The following ONECUT1 variants were observed in gnomAD, a reference collection of about 807,000 sequenced individuals.
ONECUT1 encodes one cut homeobox 1, also known as hepatocyte nuclear factor 6.
ONECUT1 carries 12 observed loss-of-function variants against 25.6 expected under a neutral mutation model. That is an observed-to-expected ratio of 0.47 (90% CI 0.30 to 0.76). The LOEUF is 0.76. Among genes scored for constraint, ONECUT1 ranks in the 30% least tolerant of loss-of-function variants. ONECUT1 has a pLI of 0.07. For synonymous variants in ONECUT1, 285 were observed against 270.2 expected (o/e 1.05, Z -0.54); for missense variants, 620 against 651.2 (o/e 0.95, Z 0.52).
chr15:52,788,117 A>T lies in ONECUT1; in HGVS notation c.1105+663T>A, dbSNP rs2083889107. On this transcript the variant is annotated intron_variant, in intron 1 of 1. Transcript: ENST00000305901. This position sits in a 1 kb window ranked among gnomAD's most constrained non-coding sequence, Gnocchi z 4.3. ...TTGCAGCTCTCACTGGGACCTTGGG[A>T]CGGTCAGCCTCCCTCTCCTTTCCAC... 1 of 152,396 alleles carries T rather than the reference A, an allele frequency of 6.6e-6. No homozygotes were observed. The highest frequency in any genetic ancestry group is 1.5e-5 in the Non-Finnish European group (1 of 68,218). 9.4% of individuals were successfully genotyped at this position (152,396 alleles called of 1,614,324 possible).
chr15:52,781,668 A>G (rs1273488817), intron 1 of ONECUT1, among the ~76,000 whole-genome samples: 1 of 152,248 alleles, frequency 6.6e-6, no homozygotes. Flanking sequence ...TACCACTTAG[A>G]CTAATGGTTC....
chr15:52,758,950 A>G (rs1022778224), intron 1 of ONECUT1, among the ~76,000 whole-genome samples: 3 of 152,006 alleles, frequency 2.0e-5, no homozygotes, highest in African/African-American at 7.3e-5. Flanking sequence ...TAACCATACA[A>G]CCCAAGTAAA....
rs919499116 is a variant in ONECUT1 at position 52,784,197 on chromosome 15, G to C, written c.1105+4583C>G. On this transcript the variant is annotated intron_variant, in intron 1 of 1. Transcript: ENST00000305901. The surrounding 1 kb of genome is among the most constrained non-coding windows in gnomAD (Gnocchi z 5.0). ...TCGAGGCTTGCAGATAAGGAGAGGC[G>C]CATCCTGGGATTTGGGTCCTCTGCT... is the stretch of plus-strand genomic sequence containing the variant. Among the ~76,000 whole-genome samples, 3 of 152,150 alleles carry C rather than the reference G, an allele frequency of 2.0e-5. No homozygotes were observed. The highest frequency in any genetic ancestry group is 4.4e-5 in the Non-Finnish European group (3 of 68,016).
chr15:52,788,797 G>C lies in ONECUT1; in HGVS notation c.1088C>G (p.Ser363Cys). The C allele has an allele frequency of 6.2e-7, 1 of 1,611,774 alleles. No homozygotes were observed. Among genetic ancestry groups the C allele is most frequent in the Non-Finnish European group, 8.5e-7 (1 of 1,178,544 alleles). ...CGGCTCACCTGCTAAGCGGAGCGCG[G>C]ACATGCGCTGGAACTCCGGCTCCTG... ...WLQEPEFQRM[S>C]ALRLAACKRK... Residue 363 changes from serine to cysteine, a missense_variant, in exon 1 of 2, where the codon TCC (serine) becomes TGC (cysteine). This residue lies in a region of ONECUT1 where 146 missense variants were observed against 201.8 expected (regional missense o/e 0.72). Transcript: ENST00000305901. This position sits in a 1 kb window ranked among gnomAD's most constrained non-coding sequence, Gnocchi z 4.3.
chr15:52,779,964 C>T (rs928271069), intron 1 of ONECUT1, among the ~76,000 whole-genome samples: 1 of 152,182 alleles, frequency 6.6e-6, no homozygotes. Context: ...GGAGTGCTTC[C>T]TAACAGGATG....
chr15:52,789,873 C>T lies in ONECUT1; in HGVS notation c.12G>A (p.Gln4=). The T allele has an allele frequency of 2.6e-6, 4 of 1,540,580 alleles. No homozygotes were observed. The highest frequency in any genetic ancestry group is 3.5e-6 in the Non-Finnish European group (4 of 1,153,790). Residue 4 remains glutamine (Q), a synonymous_variant, in exon 1 of 2, where the codon CAG becomes CAA. Transcript: ENST00000305901. This position sits in a 1 kb window ranked among gnomAD's most constrained non-coding sequence, Gnocchi z 4.1. ...GCTCGCCGATCGCTTCCATGGTCAG[C>T]TGCGCGTTCATCGTGATCCGGGCGA... MNA[Q]LTMEAIGELH... is the part of the protein sequence containing the mutation.
Position 52,771,436 on chromosome 15 carries a change from A to AGTGTGTGTGT in ONECUT1, c.1106-13599_1106-13590dup, listed in dbSNP as rs60500029. Among the ~76,000 whole-genome samples the AGTGTGTGTGT allele has an allele frequency of 2.1e-5, 3 of 144,868 alleles. No individual in the cohort carries two copies. The East Asian group carries it at 6.0e-4, about 29-fold the overall frequency. ...TCATCTCATTTTTGCATAAAAAGCAAGTGTGTGTGTGTGTGTGTGTGTGTG... is the reference window on the plus strand; with the variant it reads ...TCATCTCATTTTTGCATAAAAAGCAAGTGTGTGTGTGTGTGTGTGTGTGTGTGTGTGTGTG... On this transcript the variant is annotated intron_variant, in intron 1 of 1. Transcript: ENST00000305901.
At chr15:52,787,123 A>C (rs2083880994) in intron 1 of ONECUT1, 1 of 152,212 alleles carries the variant, frequency 6.6e-6, no homozygotes, top group Non-Finnish European at 1.5e-5. Context: ...CCGGTAGCAC[A>C]AGAGCTAGAG....
chr15:52,773,810 A>C (rs954633483), intron 1 of ONECUT1, among the ~76,000 whole-genome samples: 1 of 152,206 alleles, frequency 6.6e-6, no homozygotes, highest in Non-Finnish European at 1.5e-5. Context: ...AGTTAAGTAC[A>C]GTAATGAATT....
At chr15:52,774,122 T>TACACACACACACACAC (rs35891922) in intron 1 of ONECUT1, among the ~76,000 whole-genome samples, 3 of 137,716 alleles carry the variant, frequency 2.2e-5, no homozygotes, top group Non-Finnish European at 3.1e-5. Context: ...ATTGGAAGGA[T>TACACACACACACACAC]ACACACACAC....
intron 1 of ONECUT1, among the ~76,000 whole-genome samples, chr15:52,761,133 C>T (rs530124065): frequency 6.6e-6 from 1 of 152,176 alleles, no homozygotes; most frequent in South Asian, 2.1e-4. Context: ...ACCCTCACCC[C>T]AATCCCTTGC....
chr15:52,772,130 C>T (rs1424730807), intron 1 of ONECUT1, among the ~76,000 whole-genome samples: 1 of 151,672 alleles, frequency 6.6e-6, no homozygotes, highest in Non-Finnish European at 1.5e-5. Flanking sequence ...TGCGGTGGCT[C>T]ACGCCTGTAA....
chr15:52,775,467 A>ACACT (rs2083793969), intron 1 of ONECUT1, among the ~76,000 whole-genome samples: 1 of 151,440 alleles, frequency 6.6e-6, no homozygotes, highest in Non-Finnish European at 1.5e-5. Context: ...ACACACACAC[A>ACACT]CACACACACA....
chr15:52,777,737 C>CACACACACACACACAAAAAAA (rs57187579), intron 1 of ONECUT1, among the ~76,000 whole-genome samples: 2 of 103,446 alleles, frequency 1.9e-5, no homozygotes, highest in African/African-American at 8.9e-5. Flanking sequence ...CACACACACA[C>CACACACACACACACAAAAAAA]AAAAAAACAT....
At chr15:52,770,703 GA>G (rs1596049852) in intron 1 of ONECUT1, among the ~76,000 whole-genome samples, 1 of 152,016 alleles carries the variant, frequency 6.6e-6, no homozygotes, top group East Asian at 1.9e-4. Context: ...TTTTAACGTG[GA>G]AAAAAATGAA....
intron 1 of ONECUT1, among the ~76,000 whole-genome samples, chr15:52,767,834 T>C (rs1340662046): frequency 6.6e-6 from 1 of 152,208 alleles, no homozygotes; most frequent in African/African-American, 2.4e-5. Context: ...GTGGTAGATA[T>C]ACATATATAC....
intron 1 of ONECUT1, chr15:52,780,557 A>G: frequency 1.3e-6 from 2 of 1,528,402 alleles, no homozygotes; most frequent in Admixed American, 2.0e-5. Context: ...ATTACCCCAA[A>G]TGAATTGAAA....
At chr15:52,787,383 G>T (rs951554293) in intron 1 of ONECUT1, among the ~76,000 whole-genome samples, 1 of 152,020 alleles carries the variant, frequency 6.6e-6, no homozygotes, top group Non-Finnish European at 1.5e-5. Flanking sequence ...AGGCTGGTCG[G>T]CACCTGCCAC....
chr15:52,789,079 C>T lies in ONECUT1; in HGVS notation c.806G>A (p.Arg269Gln), dbSNP rs767594063. Reference protein sequence around the residue: ...QGHGQLLGTAREPNPSVTGAQ... With the variant: ...QGHGQLLGTAQEPNPSVTGAQ... The stretch of plus-strand genomic sequence containing the variant: ...GCCGGTCACCGAAGGGTTGGGCTCC[C>T]GGGCTGTGCCCAGGAGTTGCCCGTG... Residue 269 changes from arginine to glutamine, a missense_variant, in exon 1 of 2, where the codon CGG becomes CAG. This residue lies in a region of ONECUT1 where 440 missense variants were observed against 404.9 expected (regional missense o/e 1.09). Coordinates refer to ENST00000305901, the MANE Select transcript of ONECUT1 (RefSeq NM_004498.4). The surrounding 1 kb of genome is among the most constrained non-coding windows in gnomAD (Gnocchi z 4.1). 2.3e-5 allele frequency: 37 copies of T among 1,601,910 alleles called. No homozygotes were observed. In the East Asian group the frequency reaches 5.1e-4, roughly 22 times the overall value.
Sources: gnomAD v4.1 joint callset for allele counts (sites outside exome capture counted in the v4.1 genomes callset) on GRCh38, gnomAD v4.1.1 for gene constraint, gnomAD v4.1.1 regional missense constraint, Gnocchi (gnomAD v3.1) non-coding constraint, MANE v1.5 for transcripts, NCBI Gene and HGNC (gene_info 2026-07-23, HGNC 2026-07-21) for gene names.